POLR1D: variants seen among roughly 807,000 people sequenced by gnomAD.
The protein encoded by POLR1D is DNA-directed RNA polymerases I and III subunit RPAC2.
A neutral mutation model predicts 10.8 loss-of-function variants in POLR1D; 8 were observed. That is an observed-to-expected ratio of 0.74 (90% CI 0.43 to 1.33). POLR1D has a LOEUF of 1.33. Among genes scored for constraint, POLR1D ranks in the 40% most tolerant of loss-of-function variants. The probability of loss-of-function intolerance (pLI) is 0.01; values close to 1 mark genes in which losing one functional copy is unlikely to be tolerated. For synonymous variants in POLR1D, 54 were observed against 57.2 expected (o/e 0.94, Z 0.25); for missense variants, 152 against 161.7 (o/e 0.94, Z 0.32).
chr13:27,624,731 TA>T (rs1486322837), downstream of POLR1D, among the ~76,000 whole-genome samples: 1 of 151,318 alleles, frequency 6.6e-6, no homozygotes, highest in Non-Finnish European at 1.5e-5. Context: ...TACAAAAAAA[TA>T]AAAAAGGTAG....
chr13:27,631,155 A>G (rs567601060), intron 1 of POLR1D, among the ~76,000 whole-genome samples: 216 of 152,330 alleles, frequency 1.4e-3, no homozygotes, highest in African/African-American at 4.8e-3. Context: ...CTGTGGGTCA[A>G]GAATCTGGGT....
chr13:27,630,484 ACTTTCT>A (rs1196868644), intron 1 of POLR1D, among the ~76,000 whole-genome samples: 6 of 152,098 alleles, frequency 3.9e-5, no homozygotes, highest in East Asian at 1.9e-4. Flanking sequence ...GGTGGGAGAG[ACTTTCT>A]CTTTCTCTGC....
downstream of POLR1D, among the ~76,000 whole-genome samples, chr13:27,627,216 C>G (rs2138525981): frequency 6.6e-6 from 1 of 152,010 alleles, no homozygotes; most frequent in South Asian, 2.1e-4. Flanking sequence ...TGCTCAAATT[C>G]TTAATGTTGC....
chr13:27,650,252 A>T (rs1222707889), intron 2 of POLR1D: 2 of 390,318 alleles, frequency 5.1e-6, no homozygotes, highest in Non-Finnish European at 9.1e-6. Context: ...GTTTGAAGTC[A>T]TGATATGCTA....
rs1956271096 is a variant in POLR1D, at chr13:27,652,017, A to G, written c.101+3564A>G. 2.0e-5 allele frequency among the ~76,000 whole-genome samples: 3 copies of G among 152,248 alleles called. No individual in the cohort carries two copies. The South Asian group carries it at 6.2e-4, about 31-fold the overall frequency. ...TGCCTCTACTATTGTGAGTCAGATT[A>G]GTATAAACTATTTAGGCACAGGGTG... On this transcript the variant is annotated intron_variant, in intron 2 of 2. Coordinates refer to the POLR1D transcript ENST00000399697.
downstream of POLR1D, among the ~76,000 whole-genome samples, chr13:27,625,797 G>T (rs1033937345): frequency 6.6e-6 from 1 of 152,124 alleles, no homozygotes; most frequent in Non-Finnish European, 1.5e-5. Context: ...TGGTAGGAAA[G>T]TGCAAAAATA....
At chr13:27,622,499 A>T in intron 1 of POLR1D, 1 of 299,278 alleles carries the variant, frequency 3.3e-6, no homozygotes, top group South Asian at 3.9e-5. Context: ...CTCTATTTTT[A>T]TACTAGAGCA....
intron 1 of POLR1D, among the ~76,000 whole-genome samples, chr13:27,641,381 T>C (rs1466463840): frequency 6.6e-6 from 1 of 152,224 alleles, no homozygotes; most frequent in Non-Finnish European, 1.5e-5. Flanking sequence ...TTTTAATTTA[T>C]ATGAAAATCT....
chr13:27,662,682 A>T (rs190883873), intron 2 of POLR1D, among the ~76,000 whole-genome samples: 1 of 152,332 alleles, frequency 6.6e-6, no homozygotes, highest in East Asian at 1.9e-4. Context: ...TACGTCTGTT[A>T]TTCCCATTTT....
At chr13:27,644,423 G>T (rs1035626611) in intron 1 of POLR1D, among the ~76,000 whole-genome samples, 9 of 152,200 alleles carry the variant, frequency 5.9e-5, no homozygotes, top group Non-Finnish European at 1.3e-4. Flanking sequence ...CTGCTATTAT[G>T]ATCAGTTGAC....
At chr13:27,665,997 T>C (rs1034751087) in exon 3 of POLR1D, 2 of 1,593,400 alleles carry the variant, frequency 1.3e-6, no homozygotes, top group Non-Finnish European at 1.7e-6. Context: ...TCCGTGCTCC[T>C]TCGGGGTGCG....
At chr13:27,633,980 T>C (rs1956098296) in intron 1 of POLR1D, among the ~76,000 whole-genome samples, 1 of 152,244 alleles carries the variant, frequency 6.6e-6, no homozygotes, top group Admixed American at 6.5e-5. Context: ...CATCATCATA[T>C]TCTTGTCAAA....
At chr13:27,628,261 G>C (rs947866786), downstream of POLR1D, among the ~76,000 whole-genome samples, 3 of 152,196 alleles carry the variant, frequency 2.0e-5, no homozygotes, top group African/African-American at 7.2e-5. Context: ...TGCTTTACAG[G>C]GAATGTTTTC....
chr13:27,657,046 A>C (rs982111304), intron 2 of POLR1D, among the ~76,000 whole-genome samples: 1 of 152,202 alleles, frequency 6.6e-6, no homozygotes, highest in Non-Finnish European at 1.5e-5. Context: ...CCCGTAACGC[A>C]TAAAGGTCTG....
At chr13:27,631,476 C>CTGAA (rs1332452002) in intron 1 of POLR1D, among the ~76,000 whole-genome samples, 1 of 152,194 alleles carries the variant, frequency 6.6e-6, no homozygotes, top group Non-Finnish European at 1.5e-5. Flanking sequence ...ACATGAGGGT[C>CTGAA]TGAATACCAG....
exon 3 of POLR1D, chr13:27,665,801 G>A (rs1956410426): frequency 1.2e-6 from 2 of 1,614,150 alleles, no homozygotes; most frequent in East Asian, 2.2e-5. Context: ...TAAGGAACCA[G>A]CGAAGAGCCA....
downstream of POLR1D, among the ~76,000 whole-genome samples, chr13:27,626,655 AAAT>A (rs1956013215): frequency 6.6e-6 from 1 of 152,234 alleles, no homozygotes; most frequent in African/African-American, 2.4e-5. Flanking sequence ...ATTTCATTCT[AAAT>A]AAACTCATGC....
intron 1 of POLR1D, among the ~76,000 whole-genome samples, chr13:27,644,516 G>A (rs1316056364): frequency 6.6e-6 from 1 of 152,180 alleles, no homozygotes; most frequent in East Asian, 1.9e-4. Flanking sequence ...ATTGGCTGGA[G>A]ATAATACACA....
At position 27,644,916 on chromosome 13, in the gene POLR1D, G is replaced by A. The variant is rs866821996; in HGVS notation, c.27-3463G>A. Among the ~76,000 whole-genome samples, 3 of 152,234 alleles carry A rather than the reference G, an allele frequency of 2.0e-5. No individual in the cohort carries two copies. The South Asian group carries it at 6.2e-4, about 32-fold the overall frequency. ...CTGTGATCATGTAGAATAGAAACTG[G>A]ATTTATAATTTCCTTACCCAATAAT... On this transcript the variant is annotated intron_variant, in intron 1 of 2. Coordinates refer to the POLR1D transcript ENST00000399697.
Sources: allele counts gnomAD v4.1 joint callset (sites outside exome capture counted in the v4.1 genomes callset), GRCh38; gene constraint gnomAD v4.1.1; transcripts MANE v1.5; gene names NCBI Gene and HGNC (gene_info 2026-07-23, HGNC 2026-07-21).